ZEB2: variants seen among roughly 807,000 people sequenced by gnomAD.
ZEB2 encodes zinc finger E-box-binding homeobox 2.
Under a neutral mutation model 99.9 loss-of-function variants are expected in ZEB2, and 6 were observed. The observed-to-expected ratio is 0.06, with a 90% confidence interval of 0.03 to 0.12. The LOEUF (loss-of-function observed/expected upper bound fraction) is 0.12, where lower values mean the gene tolerates loss of function less well. Ranked by LOEUF, ZEB2 falls within the 10% of genes least tolerant of loss-of-function variation. The pLI, the probability that ZEB2 is intolerant of heterozygous loss-of-function variation, is 1.00. For synonymous variants in ZEB2, 517 were observed against 542.5 expected, an observed-to-expected ratio of 0.95 and a Z score of 0.65; for missense variants, 969 against 1,502.8, an observed-to-expected ratio of 0.64 and a Z score of 5.87.
chr2:144,517,323 G>C lies in ZEB2; in HGVS notation c.28C>G (p.Pro10Ala). 1 of 1,613,572 alleles carries C rather than the reference G, an allele frequency of 6.2e-7. No homozygotes were observed. Among genetic ancestry groups the C allele is most frequent in the East Asian group, 2.2e-5 (1 of 44,862 alleles). The change falls in exon 2 of 10, where the codon CCC (proline) becomes GCC (alanine). Residue 10 changes from proline (P) to alanine (A), a missense_variant. Transcript: ENST00000627532. MKQPIMADGPRCKRRKQANP... is the reference protein window; with the variant it reads MKQPIMADGARCKRRKQANP... ...GCTTGTTTGCGCCTCTTGCACCGGG[G>C]GCCATCCGCCATGATCGGCTGCTTC...
intron 2 of ZEB2, among the ~76,000 whole-genome samples, chr2:144,447,678 G>A (rs1014739687): frequency 6.6e-6 from 1 of 152,210 alleles, no homozygotes; most frequent in African/African-American, 2.4e-5. Context: ...TTTGAAGCAT[G>A]ATGGTCCCTA....
At chr2:144,517,952 T>G in intron 1 of ZEB2, 1 of 357,154 alleles carries the variant, frequency 2.8e-6, no homozygotes, top group Non-Finnish European at 5.1e-6. Flanking sequence ...CAGCGCCCCC[T>G]CCCCTCCCCT....
rs1473312437 is a variant in ZEB2, at chr2:144,425,491, CT to C, written c.332-625del. ...CCTATCCCAACTACTCCATAAATGT[CT>C]TGTCCTCATCATGATTTATGCCCCT... On this transcript the variant is annotated intron_variant, in intron 3 of 9. Coordinates refer to ENST00000627532, the MANE Select transcript of ZEB2 (RefSeq NM_014795.4). 5.0e-4 allele frequency among the ~76,000 whole-genome samples: 76 copies of C among 152,170 alleles called. 1 individual carries two copies. Among genetic ancestry groups the C allele is most frequent in the Non-Finnish European group, 1.0e-4 (7 of 68,030 alleles).
chr2:144,445,492 T>G (rs1484107077), intron 2 of ZEB2, among the ~76,000 whole-genome samples: 2 of 152,124 alleles, frequency 1.3e-5, no homozygotes, highest in Non-Finnish European at 2.9e-5. Context: ...CCTGCCTAGC[T>G]AATGAACACC....
At position 144,404,080 on chromosome 2, in the gene ZEB2, A is replaced by G; in HGVS notation, c.643T>C (p.Tyr215His). The change falls in exon 6 of 10, where the codon TAC becomes CAC. Residue 215 changes from tyrosine (Y) to histidine (H), a missense_variant. Physicochemically the swap from Tyr to His is moderately conservative, Grantham distance 83. Transcript: ENST00000627532. ...AAGCGCTTGTAGCCCCGGTCGCAGT[A>G]GGGGCAGGTCAGCAGTTGGGCAAAA... ...DAFAQLLTCPYCDRGYKRLTS... is the reference protein window; with the variant it reads ...DAFAQLLTCPHCDRGYKRLTS... The G allele has an allele frequency of 1.2e-6, 2 of 1,614,048 alleles. No individual in the cohort carries two copies. The highest frequency in any genetic ancestry group is 1.7e-6 in the Non-Finnish European group (2 of 1,179,992).
intron 2 of ZEB2, among the ~76,000 whole-genome samples, chr2:144,468,948 T>C (rs1039887958): frequency 6.6e-6 from 1 of 152,104 alleles, no homozygotes; most frequent in African/African-American, 2.4e-5. Flanking sequence ...ACCTTGATCA[T>C]CCCTCAATTC....
chr2:144,397,272 AG>A (rs1703242406), intron 8 of ZEB2, among the ~76,000 whole-genome samples: 1 of 152,212 alleles, frequency 6.6e-6, no homozygotes, highest in South Asian at 2.1e-4. Context: ...TCCATTTGCT[AG>A]CCCACAGTTC....
intron 2 of ZEB2, among the ~76,000 whole-genome samples, chr2:144,488,024 T>C (rs1704623361): frequency 1.3e-5 from 2 of 152,228 alleles, no homozygotes; most frequent in Admixed American, 6.5e-5. Context: ...GCTGTCTCCA[T>C]GAACGGGTGG....
At chr2:144,486,368 AG>A (rs1382513630) in intron 2 of ZEB2, among the ~76,000 whole-genome samples, 2 of 24,534 alleles carry the variant, frequency 8.2e-5, no homozygotes, top group Non-Finnish European at 2.3e-4. Flanking sequence ...AGGTACTAGA[AG>A]GTTTTTTTTT....
At chr2:144,395,534 G>A (rs1437454166) in intron 9 of ZEB2, among the ~76,000 whole-genome samples, 2 of 152,104 alleles carry the variant, frequency 1.3e-5, no homozygotes, top group East Asian at 1.9e-4. Flanking sequence ...GGCTAATAGA[G>A]CATGCCAAAT....
At chr2:144,461,892 C>G (rs1398723064) in intron 2 of ZEB2, 1 of 152,110 alleles carries the variant, frequency 6.6e-6, no homozygotes, top group African/African-American at 2.4e-5. Context: ...AAAAATTAGG[C>G]CTGAAATATG....
rs1406946022 is a variant in ZEB2, at chr2:144,511,463, G to A, written c.73+5815C>T. On this transcript the variant is annotated intron_variant, in intron 2 of 9. Transcript: ENST00000627532. ...TGAGAGATTTCACTCTGACATGACTGTCACACAAGATAAAAGTATTTGGCA... is the reference window on the plus strand; with the variant it reads ...TGAGAGATTTCACTCTGACATGACTATCACACAAGATAAAAGTATTTGGCA... The A allele has an allele frequency of 6.3e-6, 8 of 1,268,764 alleles. No individual in the cohort carries two copies. The African/African-American group carries it at 1.2e-4, about 20-fold the overall frequency. 78.6% of individuals were successfully genotyped at this position (1,268,764 alleles called of 1,614,324 possible).
intron 2 of ZEB2, among the ~76,000 whole-genome samples, chr2:144,437,628 G>C (rs1703855527): frequency 6.6e-6 from 1 of 152,088 alleles, no homozygotes; most frequent in South Asian, 2.1e-4. Flanking sequence ...ATAAGCTTCT[G>C]AGCCATCAAA....
At chr2:144,419,918 A>G (rs1159479792) in intron 4 of ZEB2, among the ~76,000 whole-genome samples, 1 of 152,222 alleles carries the variant, frequency 6.6e-6, no homozygotes, top group South Asian at 2.1e-4. Context: ...TTAAAAAAAA[A>G]ATGTAGTGAT....
rs115333151 is a variant in ZEB2 at position 144,438,738 on chromosome 2, T to A, written c.74-8712A>T. Among the ~76,000 whole-genome samples, 805 of 152,316 alleles carry A rather than the reference T, an allele frequency of 5.3e-3. 6 individuals carry two copies. The highest frequency in any genetic ancestry group is 0.018 in the African/African-American group (762 of 41,560). ...GAAAGGCATGTAAAGTTCACTTCCC[T>A]ACCCAAAGGATTTCTCTTAAGGCTT... is the stretch of plus-strand genomic sequence containing the variant. On this transcript the variant is annotated intron_variant, in intron 2 of 9. Coordinates refer to ENST00000627532, the MANE Select transcript of ZEB2 (RefSeq NM_014795.4).
intron 2 of ZEB2, among the ~76,000 whole-genome samples, chr2:144,506,067 A>G (rs1704947442): frequency 6.6e-6 from 1 of 152,256 alleles, no homozygotes; most frequent in Non-Finnish European, 1.5e-5. Context: ...AATTTATCCT[A>G]AATAATACAC....
intron 4 of ZEB2, 82 bp from the exon 5 acceptor site, chr2:144,405,106 G>A: frequency 6.9e-7 from 1 of 1,438,948 alleles, no homozygotes; most frequent in African/African-American, 1.4e-5. Context: ...TAGCCAGTGA[G>A]AAATGCTGAC....
At position 144,389,353 on chromosome 2, in the gene ZEB2, G is replaced by A. The variant is rs1264109676; in HGVS notation, c.*98C>T. On this transcript the variant is annotated 3_prime_UTR_variant, in exon 10 of 10. Transcript: ENST00000627532. This position sits in a 1 kb window ranked among gnomAD's most constrained non-coding sequence, Gnocchi z 6.8. Reference sequence around the variant, plus strand: ...TCCCTCTCTACAGCTTCCTGGAAGCGTCAGGCACGTGCATGAACAGCTTAA... The same window carrying A: ...TCCCTCTCTACAGCTTCCTGGAAGCATCAGGCACGTGCATGAACAGCTTAA... 7.2e-6 allele frequency: 10 copies of A among 1,381,508 alleles called. No homozygotes were observed. In the South Asian group the frequency reaches 9.3e-5, roughly 13 times the overall value. The allele number at this position is 1,381,508 out of a possible 1,614,324, so 85.6% of individuals were successfully genotyped here. A position where few individuals can be genotyped will look rare whatever the true frequency, so the allele number is the denominator to read the frequency against.
intron 2 of ZEB2, among the ~76,000 whole-genome samples, chr2:144,474,734 T>A (rs1704407720): frequency 6.6e-6 from 1 of 152,180 alleles, no homozygotes; most frequent in Admixed American, 6.5e-5. Flanking sequence ...ATCATCACCA[T>A]CCATAACCAT....
Sources: allele counts gnomAD v4.1 joint callset (sites outside exome capture counted in the v4.1 genomes callset), GRCh38; gene constraint gnomAD v4.1.1; non-coding constraint Gnocchi (gnomAD v3.1); transcripts MANE v1.5; gene names NCBI Gene and HGNC (gene_info 2026-07-23, HGNC 2026-07-21).